Variants in PIGQ observed in about 807,000 individuals in gnomAD.
PIGQ encodes the protein phosphatidylinositol glycan anchor biosynthesis class Q.
PIGQ carries 54 observed loss-of-function variants against 60.3 expected under a neutral mutation model. That is an observed-to-expected ratio of 0.90 (90% CI 0.72 to 1.12). The LOEUF (loss-of-function observed/expected upper bound fraction) is 1.12, where lower values mean the gene tolerates loss of function less well. Among genes scored for constraint, PIGQ ranks in the 50% most tolerant of loss-of-function variants. The probability of loss-of-function intolerance (pLI) is 0.00; values close to 1 mark genes in which losing one functional copy is unlikely to be tolerated. For synonymous variants in PIGQ, 416 were observed against 363.7 expected, an observed-to-expected ratio of 1.14 and a Z score of -1.64; for missense variants, 799 against 793.5, an observed-to-expected ratio of 1.01 and a Z score of -0.08.
At position 582,264 on chromosome 16, in the gene PIGQ, T is replaced by C. The variant is rs2035826028; in HGVS notation, c.1548T>C (p.Arg516=). The C allele has an allele frequency of 3.7e-6, 6 of 1,607,388 alleles. No homozygotes were observed. The East Asian group carries it at 1.1e-4, about 30-fold the overall frequency. ...PYRLAAGVKF[R]VLRHEAGRPL... is the part of the protein sequence containing the mutation. ...TCCTTGCAGCTGGCGTGAAGTTCCGTGTCCTCCGGCACGAGGCCGGCAGGC... is the reference window on the plus strand; with the variant it reads ...TCCTTGCAGCTGGCGTGAAGTTCCGCGTCCTCCGGCACGAGGCCGGCAGGC... The change falls in exon 10 of 11, where the codon CGT becomes CGC. Residue 516 remains arginine, a synonymous_variant. Coordinates refer to ENST00000321878, the MANE Select transcript of PIGQ (RefSeq NM_004204.5).
chr16:578,417 G>A lies in PIGQ; in HGVS notation c.981G>A (p.Leu327=), dbSNP rs779902263. Residue 327 remains leucine, a synonymous_variant, in exon 5 of 11, where the codon CTG becomes CTA. Transcript: ENST00000321878. ...AEELQHLLQW[L]MGAPAGLKMN... Reference sequence around the variant, plus strand: ...AGCTCCAGCATCTGCTGCAGTGGCTGATGGGTGCTCCCGCCGGGCTCAAGA... The same window carrying A: ...AGCTCCAGCATCTGCTGCAGTGGCTAATGGGTGCTCCCGCCGGGCTCAAGA... 2.5e-6 allele frequency: 4 copies of A among 1,612,234 alleles called. No individual in the cohort carries two copies. The highest frequency in any genetic ancestry group is 3.4e-6 in the Non-Finnish European group (4 of 1,179,826).
intron 1 of PIGQ, among the ~76,000 whole-genome samples, chr16:573,103 T>G (rs4984894): frequency 1.3e-5 from 2 of 152,032 alleles, no homozygotes; most frequent in African/African-American, 2.4e-5. Flanking sequence ...GCTGGCTGCA[T>G]GGCTCCGCAG....
At position 583,656 on chromosome 16, in the gene PIGQ, A is replaced by C; in HGVS notation, c.*621A>C. On this transcript the variant is annotated 3_prime_UTR_variant, in exon 11 of 11. Transcript: ENST00000321878. ...GTGAAGAAACCATCAGCAGGCTGTG[A>C]GCATCGCCAGGCTGCTGTGGGGGCG... is the stretch of plus-strand genomic sequence containing the variant. 2 of 1,611,574 alleles carry C rather than the reference A, an allele frequency of 1.2e-6. No homozygotes were observed. Among genetic ancestry groups the C allele is most frequent in the East Asian group, 2.2e-5 (1 of 44,866 alleles).
In PIGQ at chr16:574,725, C is replaced by A; in HGVS notation, c.651C>A (p.Ala217=). 1 of 1,587,832 alleles carries A rather than the reference C, an allele frequency of 6.3e-7. No individual in the cohort carries two copies. Among genetic ancestry groups the A allele is most frequent in the South Asian group, 1.1e-5 (1 of 90,016 alleles). ...RASGPICLLL[A]SLLSLVSAVS... ...CGGGACCCATTTGCCTGCTGTTGGC[C>A]AGCCTGCTGTCGCTGGTCTCAGCTG... The change falls in exon 2 of 11, where the codon GCC becomes GCA. Residue 217 remains alanine, a synonymous_variant. Coordinates refer to ENST00000321878, the MANE Select transcript of PIGQ (RefSeq NM_004204.5).
In PIGQ at chr16:584,027, C is replaced by T. The variant is rs1269132287; in HGVS notation, c.*992C>T. ...GAGGCAGCGCCCATCTCAGCAGCAC[C>T]AGGACTGCCTGGGACTCCCTGGCAA... On this transcript the variant is annotated 3_prime_UTR_variant, in exon 11 of 11. Transcript: ENST00000321878. 5.7e-6 allele frequency: 2 copies of T among 348,284 alleles called. No homozygotes were observed. Among genetic ancestry groups the T allele is most frequent in the Non-Finnish European group, 1.1e-5 (2 of 177,520 alleles). 21.6% of individuals were successfully genotyped at this position (348,284 alleles called of 1,614,324 possible).
At chr16:571,410 CTAGCCTGTGTGTGTCTGGT>C (rs2035623311) in intron 1 of PIGQ, among the ~76,000 whole-genome samples, 1 of 33,496 alleles carries the variant, frequency 3.0e-5, no homozygotes, top group African/African-American at 1.2e-4. Flanking sequence ...GTGTGTCTGG[CTAGCCTGTGTGTGTCTGGT>C]TAGCCTGTGT....
At chr16:582,834 G>A (rs777944416) in intron 10 of PIGQ, 49 bp from the exon 11 acceptor site, 12 of 1,534,070 alleles carry the variant, frequency 7.8e-6, no homozygotes, top group South Asian at 2.4e-5. Flanking sequence ...CTCTGCAGAC[G>A]GGGTTGGAGC....
chr16:575,994 C>T lies in PIGQ; in HGVS notation c.821+24C>T, dbSNP rs749014095. The T allele has an allele frequency of 2.5e-6, 4 of 1,571,226 alleles. No homozygotes were observed. In the Admixed American group the frequency reaches 7.5e-5, roughly 29 times the overall value. ...AGGTGTGGGCCTGCCCTGGTCTCTG[C>T]AGGGCTGGGTGCGTGCCCTCTGGCC... On this transcript the variant is annotated intron_variant, in intron 3 of 10. Transcript: ENST00000321878.
At chr16:576,011 C>T (rs1340577366) in intron 3 of PIGQ, 41 bp downstream of exon 3, 1 of 1,557,956 alleles carries the variant, frequency 6.4e-7, no homozygotes, top group East Asian at 2.4e-5. Context: ...GGGTGCGTGC[C>T]CTCTGGCCCC....
chr16:573,897 C>G (rs979926225), intron 1 of PIGQ, among the ~76,000 whole-genome samples, 169 bp from the exon 2 acceptor site: 1 of 152,180 alleles, frequency 6.6e-6, no homozygotes, highest in Non-Finnish European at 1.5e-5. Context: ...ATGGCCCACG[C>G]GAGGCGGCAG....
At position 574,738 on chromosome 16, in the gene PIGQ, C is replaced by T. The variant is rs780839743; in HGVS notation, c.664C>T (p.Leu222=). Residue 222 remains leucine (L), a synonymous_variant, in exon 2 of 11, where the codon CTG becomes TTG. Transcript: ENST00000321878. ...CCTGCTGTTGGCCAGCCTGCTGTCG[C>T]TGGTCTCAGCTGTCAGTGCCTGCCG... ...ICLLLASLLS[L]VSAVSACRVF... 1.9e-6 allele frequency: 3 copies of T among 1,579,300 alleles called. No individual in the cohort carries two copies. In the East Asian group the frequency reaches 6.8e-5, roughly 36 times the overall value.
At position 580,942 on chromosome 16, in the gene PIGQ, C is replaced by T. The variant is rs149175905; in HGVS notation, c.1501C>T (p.Leu501Phe). 254 of 1,610,852 alleles carry T rather than the reference C, an allele frequency of 1.6e-4. 1 individual carries two copies. The African/African-American group carries it at 3.0e-3, about 19-fold the overall frequency. Reference protein sequence around the residue: ...INSLPLYSLGLRLCRPYRLAA... With the variant: ...INSLPLYSLGFRLCRPYRLAA... ...CTCCCTGCCGCTGTACTCACTGGGT[C>T]TTCGGCTCTGCCGGCCCTACAGGCT... Residue 501 changes from leucine (L) to phenylalanine (F), a missense_variant, in exon 9 of 11, where the codon CTT becomes TTT. By Grantham distance (22) the Leu-to-Phe change is conservative. Coordinates refer to ENST00000321878, the MANE Select transcript of PIGQ (RefSeq NM_004204.5).
intron 4 of PIGQ, chr16:577,237 C>T (rs940986673): frequency 2.0e-5 from 3 of 152,232 alleles, no homozygotes; most frequent in African/African-American, 4.8e-5. Flanking sequence ...CTTCCTGCTG[C>T]CAAGCTCTTA....
chr16:583,166 G>A lies in PIGQ; in HGVS notation c.*131G>A. The A allele has an allele frequency of 6.2e-7, 1 of 1,613,310 alleles. No homozygotes were observed. The highest frequency in any genetic ancestry group is 1.3e-5 in the African/African-American group (1 of 75,048). ...TGCTGTGTGCTCCTGAACACGGCAG[G>A]CCCTGCTATCACACCTTGGGCTTGG... On this transcript the variant is annotated 3_prime_UTR_variant, in exon 11 of 11. Transcript: ENST00000321878.
At chr16:571,571 C>CATGTGT (rs1555451367) in intron 1 of PIGQ, among the ~76,000 whole-genome samples, 2 of 87,348 alleles carry the variant, frequency 2.3e-5, no homozygotes, top group East Asian at 3.4e-4. Context: ...GCCTGGTGCC[C>CATGTGT]GTGTGTGTGT....
rs1247265307 is a variant in PIGQ, at chr16:583,232, G to A, written c.*197G>A. ...AGCAGATGTGGGGGTGGCCAGCCAG[G>A]CTGGCCGCACTCCATCACTGGCACT... On this transcript the variant is annotated 3_prime_UTR_variant, in exon 11 of 11. Coordinates refer to ENST00000321878, the MANE Select transcript of PIGQ (RefSeq NM_004204.5). 5.0e-6 allele frequency: 8 copies of A among 1,612,912 alleles called. No individual in the cohort carries two copies. The highest frequency in any genetic ancestry group is 6.8e-6 in the Non-Finnish European group (8 of 1,179,950).
At chr16:576,340 C>A (rs909423593) in intron 4 of PIGQ, 86 bp downstream of exon 4, 3 of 1,420,678 alleles carry the variant, frequency 2.1e-6, no homozygotes, top group East Asian at 5.0e-5. Context: ...CCAGAGCCAC[C>A]GCCCCACAAA....
chr16:579,859 C>G (rs1567177142), intron 7 of PIGQ: 1 of 214,056 alleles, frequency 4.7e-6, no homozygotes, highest in Non-Finnish European at 9.2e-6. Flanking sequence ...GGCTCGGAGA[C>G]TAGAGTTGCC....
At chr16:580,756 T>C in intron 8 of PIGQ, 102 bp from the exon 9 acceptor site, 2 of 737,900 alleles carry the variant, frequency 2.7e-6, no homozygotes, top group South Asian at 2.8e-5. Flanking sequence ...CCCAGGACCC[T>C]GCAGCCTCTG....
Sources: allele counts gnomAD v4.1 joint callset (sites outside exome capture counted in the v4.1 genomes callset), GRCh38; gene constraint gnomAD v4.1.1; transcripts MANE v1.5; gene names NCBI Gene and HGNC (gene_info 2026-07-23, HGNC 2026-07-21).